Variants in HMGA2 observed in about 807,000 individuals in gnomAD.
HMGA2 encodes the protein high mobility group protein HMGI-C.
A neutral mutation model predicts 19.1 loss-of-function variants in HMGA2; 8 were observed. The ratio of observed to expected loss-of-function variants is 0.42; its 90% confidence interval spans 0.25 to 0.76. The LOEUF (loss-of-function observed/expected upper bound fraction) is 0.76, where lower values mean the gene tolerates loss of function less well. Ranked by LOEUF, HMGA2 falls within the 30% of genes least tolerant of loss-of-function variation. The probability of loss-of-function intolerance (pLI) is 0.28; values close to 1 mark genes in which losing one functional copy is unlikely to be tolerated. For missense variants in HMGA2, 109 were observed against 136.3 expected, an observed-to-expected ratio of 0.80 and a Z score of 1.00; for synonymous variants, 60 against 48.8, an observed-to-expected ratio of 1.23 and a Z score of -0.96.
intron 3 of HMGA2, chr12:65,857,250 A>G (rs940512776): frequency 3.9e-5 from 6 of 152,184 alleles, no homozygotes; most frequent in African/African-American, 1.4e-4. Context: ...GAATGAATAG[A>G]CCTGAAAACA....
At chr12:65,886,497 C>G (rs189271465) in intron 3 of HMGA2, among the ~76,000 whole-genome samples, 1 of 152,046 alleles carries the variant, frequency 6.6e-6, no homozygotes, top group East Asian at 1.9e-4. Flanking sequence ...GTAGCTGGGA[C>G]TACAGGCGTC....
At chr12:65,898,746 C>T (rs751829526) in intron 3 of HMGA2, among the ~76,000 whole-genome samples, 1 of 151,976 alleles carries the variant, frequency 6.6e-6, no homozygotes, top group African/African-American at 2.4e-5. Flanking sequence ...CGATTATTCC[C>T]ATTTTAAAGA....
intron 3 of HMGA2, among the ~76,000 whole-genome samples, chr12:65,936,945 C>T (rs1292621032): frequency 3.3e-5 from 5 of 152,056 alleles, no homozygotes; most frequent in Admixed American, 6.6e-5. Context: ...GGGAATGGAA[C>T]TCACCAGGTA....
intron 4 of HMGA2, among the ~76,000 whole-genome samples, chr12:65,961,619 T>C (rs1357492163): frequency 1.3e-5 from 2 of 152,220 alleles, no homozygotes; most frequent in Admixed American, 1.3e-4. Context: ...CATTCATTTG[T>C]ATGTGTGTTT....
chr12:65,920,508 C>G (rs142249414), intron 3 of HMGA2, among the ~76,000 whole-genome samples: 2 of 152,202 alleles, frequency 1.3e-5, no homozygotes, highest in Non-Finnish European at 2.9e-5. Context: ...AATGTCAACT[C>G]GAATTGTATC....
At chr12:65,942,288 T>C (rs575899928) in intron 3 of HMGA2, among the ~76,000 whole-genome samples, 14 of 152,336 alleles carry the variant, frequency 9.2e-5, no homozygotes, top group Admixed American at 2.0e-4. Flanking sequence ...TATTTATTCA[T>C]TTTCCTGTGC....
At chr12:65,918,896 TGATGTTGTAGAGCTGGA>T (rs1337288228) in intron 3 of HMGA2, among the ~76,000 whole-genome samples, 4 of 152,178 alleles carry the variant, frequency 2.6e-5, no homozygotes, top group Non-Finnish European at 4.4e-5. Flanking sequence ...GTGAGGTGAA[TGATGTTGTAGAGCTGGA>T]GATACCAGTG....
chr12:65,923,874 G>A (rs1256040099), intron 3 of HMGA2, among the ~76,000 whole-genome samples: 2 of 152,156 alleles, frequency 1.3e-5, no homozygotes, highest in East Asian at 3.8e-4. Flanking sequence ...GCTGGGTGTG[G>A]TGGCACATGC....
At chr12:65,827,546 C>A (rs1870268934) in intron 1 of HMGA2, among the ~76,000 whole-genome samples, 1 of 151,846 alleles carries the variant, frequency 6.6e-6, no homozygotes, top group African/African-American at 2.4e-5. Context: ...TGATTAAAGG[C>A]CACCTTTTCA....
intron 3 of HMGA2, among the ~76,000 whole-genome samples, chr12:65,861,017 A>G (rs570545279): frequency 6.6e-6 from 1 of 152,338 alleles, no homozygotes; most frequent in South Asian, 2.1e-4. Context: ...AGATGTGTCT[A>G]CTTTGGGGCA....
At chr12:65,901,126 T>C (rs1263049696) in intron 3 of HMGA2, among the ~76,000 whole-genome samples, 3 of 152,198 alleles carry the variant, frequency 2.0e-5, no homozygotes, top group African/African-American at 7.2e-5. Flanking sequence ...GGTAGGAGCA[T>C]TTACACCACA....
rs201716287 is a variant in HMGA2, at chr12:65,845,554, TCAC to T, written c.249+6989_249+6991del. On this transcript the variant is annotated intron_variant, in intron 3 of 4. Coordinates refer to ENST00000403681, the MANE Select transcript of HMGA2 (RefSeq NM_003483.6). ...AAAGTGTTGGGATTACAGGCGTGAG[TCAC>T]CACTCACGGCCTTTAAGATTTTTTT... Among the ~76,000 whole-genome samples the T allele has an allele frequency of 9.5e-3, 1,447 of 151,666 alleles. 23 individuals carry two copies. The highest frequency in any genetic ancestry group is 0.034 in the African/African-American group (1,390 of 41,108).
intron 3 of HMGA2, among the ~76,000 whole-genome samples, chr12:65,907,677 C>T (rs1299734661): frequency 1.3e-5 from 2 of 152,044 alleles, no homozygotes; most frequent in Admixed American, 1.3e-4. Context: ...CACAAGCCAA[C>T]GTTTAGGGAA....
At chr12:65,895,851 T>G (rs1469999936) in intron 3 of HMGA2, among the ~76,000 whole-genome samples, 3 of 152,206 alleles carry the variant, frequency 2.0e-5, no homozygotes, top group Non-Finnish European at 2.9e-5. Flanking sequence ...CGATTCAGTA[T>G]TATATGCTTT....
intron 3 of HMGA2, among the ~76,000 whole-genome samples, chr12:65,875,110 T>TA (rs35055211): frequency 0.16 from 24,461 of 152,054 alleles, 3,221 homozygotes; most frequent in African/African-American, 0.35. Context: ...TGCTTATATT[T>TA]ATTAGAGTTA....
intron 3 of HMGA2, among the ~76,000 whole-genome samples, chr12:65,949,502 C>T (rs537582474): frequency 1.3e-5 from 2 of 152,166 alleles, no homozygotes; most frequent in South Asian, 2.1e-4. Flanking sequence ...CAAATCTCAG[C>T]GATGTGTAGA....
upstream of HMGA2, chr12:65,824,460 C>T (rs1870003073): frequency 4.3e-6 from 1 of 230,314 alleles, no homozygotes; most frequent in Non-Finnish European, 8.6e-6. Flanking sequence ...ACTCATCCCA[C>T]TTGAATCTTG....
chr12:65,846,093 C>T (rs1489515371), intron 3 of HMGA2, among the ~76,000 whole-genome samples: 1 of 152,242 alleles, frequency 6.6e-6, no homozygotes, highest in Non-Finnish European at 1.5e-5. Flanking sequence ...AGATTATCTA[C>T]ATCCAGGCTC....
intron 3 of HMGA2, among the ~76,000 whole-genome samples, chr12:65,885,910 G>A (rs1251940700): frequency 6.6e-6 from 1 of 152,164 alleles, no homozygotes; most frequent in Admixed American, 6.5e-5. Context: ...GGAACCCTTA[G>A]TTCCGGGAAC....
Sources: gnomAD v4.1 joint callset for allele counts (sites outside exome capture counted in the v4.1 genomes callset) on GRCh38, gnomAD v4.1.1 for gene constraint, MANE v1.5 for transcripts, NCBI Gene and HGNC (gene_info 2026-07-23, HGNC 2026-07-21) for gene names.